Variants in VLDLR observed in about 807,000 individuals in gnomAD.
VLDLR encodes the protein very low-density lipoprotein receptor.
In VLDLR, 81 loss-of-function variants were observed where a neutral mutation model predicts 112.7. The observed-to-expected ratio is 0.72, with a 90% CI of 0.60 to 0.86. VLDLR has a LOEUF of 0.86. VLDLR is among the 40% of genes least tolerant of loss of function. The pLI, the probability that VLDLR is intolerant of heterozygous loss-of-function variation, is 0.00. For missense variants in VLDLR, 1,237 were observed against 1,099.4 expected (o/e 1.13, Z -1.77); for synonymous variants, 436 against 384.8 (o/e 1.13, Z -1.56).
Position 2,659,009 on chromosome 9 carries a change from A to C in VLDLR, c.*5141A>C, listed in dbSNP as rs946081995. The C allele has an allele frequency of 5.9e-5, 9 of 152,090 alleles. No homozygotes were observed. The highest frequency in any genetic ancestry group is 1.3e-4 in the Non-Finnish European group (9 of 67,992). 9.4% of individuals were successfully genotyped at this position (152,090 alleles called of 1,614,324 possible). A position where few individuals can be genotyped will look rare whatever the true frequency, so the allele number is the denominator to read the frequency against. On this transcript the variant is annotated 3_prime_UTR_variant, in exon 19 of 19. Coordinates refer to ENST00000382100, the MANE Select transcript of VLDLR (RefSeq NM_003383.5). ...TGTTTCTGCCTCAGTTCTTTTGACT[A>C]CCTCCTAGGACATGGAAACAAATAT...
At chr9:2,645,183 T>C in intron 9 of VLDLR, 101 bp downstream of exon 9, 1 of 1,567,322 alleles carries the variant, frequency 6.4e-7, no homozygotes, top group Non-Finnish European at 8.8e-7. Context: ...CATGAAATTG[T>C]ACTTGAGAAC....
Position 2,651,101 on chromosome 9 carries a change from C to A in VLDLR, c.2252-314C>A, listed in dbSNP as rs568694536. ...AAGACAGTCTGGTATGCCTGGTATA[C>A]CAGAGCATCTTGAGAACATTTCTCG... is the stretch of plus-strand genomic sequence containing the variant. On this transcript the variant is annotated intron_variant, in intron 15 of 18. Transcript: ENST00000382100. Among the ~76,000 whole-genome samples, 18 of 152,204 alleles carry A rather than the reference C, an allele frequency of 1.2e-4. No individual in the cohort carries two copies. In the South Asian group the frequency reaches 3.7e-3, roughly 32 times the overall value.
At position 2,643,618 on chromosome 9, in the gene VLDLR, C is replaced by T. The variant is rs1274253214; in HGVS notation, c.821-10C>T. ...CTGGCTTCATTCCATGGTGTTTCCTCCCTTTGTAGCCTCTCGAACTTGCCG... is the reference window on the plus strand; with the variant it reads ...CTGGCTTCATTCCATGGTGTTTCCTTCCTTTGTAGCCTCTCGAACTTGCCG... On this transcript the variant is annotated splice_polypyrimidine_tract_variant and intron_variant, in intron 5 of 18. Transcript: ENST00000382100. 3 of 1,614,082 alleles carry T rather than the reference C, an allele frequency of 1.9e-6. No homozygotes were observed. The East Asian group carries it at 6.7e-5, about 36-fold the overall frequency.
Position 2,622,165 on chromosome 9 carries a change from C to A in VLDLR, c.-25C>A, listed in dbSNP as rs769751037. The A allele has an allele frequency of 6.8e-7, 1 of 1,478,692 alleles. No individual in the cohort carries two copies. The highest frequency in any genetic ancestry group is 8.9e-7 in the Non-Finnish European group (1 of 1,120,606). 91.6% of individuals were successfully genotyped at this position (1,478,692 alleles called of 1,614,324 possible). A position where few individuals can be genotyped will look rare whatever the true frequency, so the allele number is the denominator to read the frequency against. On this transcript the variant is annotated 5_prime_UTR_variant, in exon 1 of 19. Coordinates refer to ENST00000382100, the MANE Select transcript of VLDLR (RefSeq NM_003383.5). ...GAGCGAACGGCGGCGGCGGCGGCGG[C>A]GGCGGCACCATCCAGGCGGGCACCA...
At chr9:2,626,585 A>G (rs1817098415) in intron 1 of VLDLR, among the ~76,000 whole-genome samples, 1 of 152,196 alleles carries the variant, frequency 6.6e-6, no homozygotes, top group African/African-American at 2.4e-5. Context: ...TCTGTTAGAA[A>G]TGTTTCAATG....
In VLDLR at chr9:2,621,991, G is replaced by C. The variant is rs1467134134; in HGVS notation, c.-199G>C. On this transcript the variant is annotated 5_prime_UTR_variant, in exon 1 of 19. Transcript: ENST00000382100. ...GCCCGGGGAGGTGGCTGGGTGGGTG[G>C]GGAGGAGACTGTGCAAGTTGTAGGG... 2 of 651,850 alleles carry C rather than the reference G, an allele frequency of 3.1e-6. No homozygotes were observed. Among genetic ancestry groups the C allele is most frequent in the Middle Eastern group, 3.8e-4 (1 of 2,652 alleles). 40.4% of individuals were successfully genotyped at this position (651,850 alleles called of 1,614,324 possible).
chr9:2,637,629 C>G (rs934661570), intron 2 of VLDLR, among the ~76,000 whole-genome samples: 3 of 138,298 alleles, frequency 2.2e-5, no homozygotes, highest in African/African-American at 7.5e-5. Context: ...TCACATCCTC[C>G]TTACGTTTTC....
chr9:2,642,359 A>T (rs970953304), intron 4 of VLDLR, among the ~76,000 whole-genome samples: 1 of 152,116 alleles, frequency 6.6e-6, no homozygotes, highest in African/African-American at 2.4e-5. Flanking sequence ...TCCTGAGGTC[A>T]ATACCACTGC....
chr9:2,622,038 C>T lies in VLDLR; in HGVS notation c.-152C>T. The T allele has an allele frequency of 3.9e-6, 3 of 771,452 alleles. No homozygotes were observed. The South Asian group carries it at 5.5e-5, about 14-fold the overall frequency. The allele number at this position is 771,452 out of a possible 1,614,324, so 47.8% of individuals were successfully genotyped here. On this transcript the variant is annotated 5_prime_UTR_variant, in exon 1 of 19. Coordinates refer to ENST00000382100, the MANE Select transcript of VLDLR (RefSeq NM_003383.5). ...AGGGGAGGGGGTGCCCTCTTCTTCC[C>T]CGCTCCCTTCCCCCGCCAACTCCTT... is the stretch of plus-strand genomic sequence containing the variant.
At position 2,644,182 on chromosome 9, in the gene VLDLR, G is replaced by T. The variant is rs142305576; in HGVS notation, c.1066+223G>T. Among the ~76,000 whole-genome samples the T allele has an allele frequency of 4.0e-3, 557 of 137,822 alleles. 7 individuals carry two copies. Among genetic ancestry groups the T allele is most frequent in the African/African-American group, 0.014 (510 of 36,510 alleles). The allele number at this position is 137,822 out of a possible 152,430, so 90.4% of individuals were successfully genotyped here. A position where few individuals can be genotyped will look rare whatever the true frequency, so the allele number is the denominator to read the frequency against. ...TTTTTTTTTTTTTTTTTTTGAGATGGAGTTCCACTCTTGTTGCCCAGGCTG... is the reference window on the plus strand; with the variant it reads ...TTTTTTTTTTTTTTTTTTTGAGATGTAGTTCCACTCTTGTTGCCCAGGCTG... On this transcript the variant is annotated intron_variant, in intron 7 of 18. Coordinates refer to ENST00000382100, the MANE Select transcript of VLDLR (RefSeq NM_003383.5).
Position 2,659,772 on chromosome 9 carries a change from G to C in VLDLR, c.*5904G>C, listed in dbSNP as rs144231060. On this transcript the variant is annotated 3_prime_UTR_variant, in exon 19 of 19. Coordinates refer to ENST00000382100, the MANE Select transcript of VLDLR (RefSeq NM_003383.5). ...CAGATTGGTAGAACTACCAGACTTG[G>C]GTATTTCTCAGTTAACACACATGCA... 3.0e-4 allele frequency: 45 copies of C among 152,256 alleles called. No individual in the cohort carries two copies. Among genetic ancestry groups the C allele is most frequent in the African/African-American group, 1.0e-3 (43 of 41,552 alleles). The allele number at this position is 152,256 out of a possible 1,614,324, so 9.4% of individuals were successfully genotyped here.
intron 1 of VLDLR, among the ~76,000 whole-genome samples, chr9:2,626,896 T>G (rs1817115283): frequency 6.6e-6 from 1 of 152,246 alleles, no homozygotes; most frequent in African/African-American, 2.4e-5. Flanking sequence ...TCTTTCATTT[T>G]CTTAAGAAAG....
At chr9:2,650,114 C>G (rs1329640442) in intron 14 of VLDLR, among the ~76,000 whole-genome samples, 6 of 152,194 alleles carry the variant, frequency 3.9e-5, no homozygotes, top group Non-Finnish European at 8.8e-5. Flanking sequence ...CCCACCTCCT[C>G]TTTTGGCATC....
In VLDLR at chr9:2,626,646, A is replaced by G. The variant is rs762167999; in HGVS notation, c.82+4375A>G. On this transcript the variant is annotated intron_variant, in intron 1 of 18. Transcript: ENST00000382100. ...TTGTAGTTTAGAGATGCTGGAAACT[A>G]TAAGATGAAGCCTCTGGCTAGAGCA... Among the ~76,000 whole-genome samples the G allele has an allele frequency of 2.9e-4, 44 of 152,326 alleles. 1 individual carries two copies. The highest frequency in any genetic ancestry group is 5.6e-4 in the Non-Finnish European group (38 of 68,028).
chr9:2,652,123 A>G (rs562186846), intron 17 of VLDLR, among the ~76,000 whole-genome samples, 169 bp downstream of exon 17: 2 of 152,338 alleles, frequency 1.3e-5, no homozygotes, highest in South Asian at 4.1e-4. Flanking sequence ...TAAGGCCCAT[A>G]TCTTTCTCTT....
chr9:2,651,909 G>A lies in VLDLR; in HGVS notation c.2371G>A (p.Val791Ile), dbSNP rs35334949. ...GACCACAGCAGTATCAGAGGTCAGT[G>A]TTCCCCCAAAAGGGACTTCTGCCGC... ...NVTTAVSEVS[V>I]PPKGTSAAWA... Residue 791 changes from valine (V) to isoleucine (I), a missense_variant, in exon 17 of 19, where the codon GTT (valine) becomes ATT (isoleucine). By Grantham distance (29) the Val-to-Ile change is conservative (BLOSUM62 3). Transcript: ENST00000382100. 136 of 1,613,958 alleles carry A rather than the reference G, an allele frequency of 8.4e-5. 1 individual carries two copies. In the African/African-American group the frequency reaches 1.7e-3, roughly 20 times the overall value.
intron 12 of VLDLR, 49 bp from the exon 13 acceptor site, chr9:2,648,159 C>G: frequency 6.2e-7 from 1 of 1,611,880 alleles, no homozygotes; most frequent in Non-Finnish European, 8.5e-7. Context: ...TTAATGGAAG[C>G]CAGAGTAGTA....
rs58675279 is a variant in VLDLR, at chr9:2,655,951, AT to A, written c.*2096del. 0.1 allele frequency: 14,629 copies of A among 145,304 alleles called. 1,741 individuals carry two copies. Among genetic ancestry groups the A allele is most frequent in the African/African-American group, 0.29 (11,545 of 40,212 alleles). 9.0% of individuals were successfully genotyped at this position (145,304 alleles called of 1,614,324 possible). A position where few individuals can be genotyped will look rare whatever the true frequency, so the allele number is the denominator to read the frequency against. ...CCCTGCTGTGGTACAAAAAACATGG[AT>A]TTTTTTTTTTTTAACTGGAGTAATA... On this transcript the variant is annotated 3_prime_UTR_variant, in exon 19 of 19. Coordinates refer to ENST00000382100, the MANE Select transcript of VLDLR (RefSeq NM_003383.5).
intron 4 of VLDLR, 96 bp downstream of exon 4, chr9:2,641,595 C>T (rs1817828189): frequency 1.3e-6 from 2 of 1,567,752 alleles, no homozygotes; most frequent in Non-Finnish European, 1.8e-6. Context: ...GACGCACTGA[C>T]ATTGACTCAC....
Sources: allele counts gnomAD v4.1 joint callset (sites outside exome capture counted in the v4.1 genomes callset), GRCh38; gene constraint gnomAD v4.1.1; transcripts MANE v1.5; gene names NCBI Gene and HGNC (gene_info 2026-07-23, HGNC 2026-07-21).